The following NR3C1 variants were observed in gnomAD, a reference collection of about 807,000 sequenced individuals.
The protein encoded by NR3C1 is glucocorticoid receptor.
A neutral mutation model predicts 74.0 loss-of-function variants in NR3C1; 14 were observed. The ratio of observed to expected loss-of-function variants is 0.19; its 90% confidence interval spans 0.12 to 0.30. The LOEUF is 0.30. NR3C1 is among the 10% of genes least tolerant of loss of function. The pLI, the probability that NR3C1 is intolerant of heterozygous loss-of-function variation, is 1.00. For missense variants in NR3C1, 695 were observed against 909.8 expected, an observed-to-expected ratio of 0.76 and a Z score of 3.04; for synonymous variants, 308 against 332.5, an observed-to-expected ratio of 0.93 and a Z score of 0.80.
upstream of NR3C1, among the ~76,000 whole-genome samples, chr5:143,408,269 T>G (rs1315347492): frequency 6.6e-6 from 1 of 152,186 alleles, no homozygotes; most frequent in Non-Finnish European, 1.5e-5. Flanking sequence ...GCAGGCTAAC[T>G]CTCTGTGCCT....
At chr5:143,359,715 C>G (rs1022370629) in intron 2 of NR3C1, among the ~76,000 whole-genome samples, 3 of 152,068 alleles carry the variant, frequency 2.0e-5, no homozygotes, top group Admixed American at 2.0e-4. Flanking sequence ...GCCAGGAGTT[C>G]GAGACCAGCC....
chr5:143,357,637 G>A (rs61752271), intron 2 of NR3C1, among the ~76,000 whole-genome samples: 6 of 152,126 alleles, frequency 3.9e-5, no homozygotes, highest in South Asian at 2.1e-4. Flanking sequence ...CTAGAGCCAC[G>A]TAGATTCCTA....
rs950782724 is a variant in NR3C1 at position 143,300,840 on chromosome 5, T to C, written c.1469-77A>G. On this transcript the variant is annotated intron_variant, in intron 4 of 8. Coordinates refer to ENST00000394464, the MANE Select transcript of NR3C1 (RefSeq NM_000176.3). This position sits in a 1 kb window ranked among gnomAD's most constrained non-coding sequence, Gnocchi z 5.2. ...CGCTACACAGTTTATTCAAGAAGTA[T>C]TTTTACTTTCTAAAACTATTAAGAT... 1 of 1,313,914 alleles carries C rather than the reference T, an allele frequency of 7.6e-7. No homozygotes were observed. Among genetic ancestry groups the C allele is most frequent in the African/African-American group, 1.5e-5 (1 of 67,268 alleles). 81.4% of individuals were successfully genotyped at this position (1,313,914 alleles called of 1,614,324 possible).
intron 2 of NR3C1, among the ~76,000 whole-genome samples, chr5:143,337,394 GAC>G (rs1345004948): frequency 1.3e-5 from 2 of 152,194 alleles, no homozygotes; most frequent in Non-Finnish European, 2.9e-5. Flanking sequence ...CATTTTGGAA[GAC>G]AGTTTGGTAT....
At chr5:143,283,389 C>T (rs578144140) in intron 7 of NR3C1, among the ~76,000 whole-genome samples, 3 of 152,268 alleles carry the variant, frequency 2.0e-5, no homozygotes, top group African/African-American at 7.2e-5. Context: ...TACACCTTCT[C>T]CTCCTTAGCT....
intron 2 of NR3C1, among the ~76,000 whole-genome samples, chr5:143,356,391 G>GA (rs1376340804): frequency 6.6e-6 from 1 of 151,926 alleles, no homozygotes; most frequent in Non-Finnish European, 1.5e-5. Context: ...ATAGAAAATA[G>GA]AAAAAATGAA....
chr5:143,427,436 T>C (rs1278836964), intron 1 of NR3C1, among the ~76,000 whole-genome samples: 1 of 151,982 alleles, frequency 6.6e-6, no homozygotes, highest in Non-Finnish European at 1.5e-5. Context: ...CCTTAATGGA[T>C]AGAATGACAA....
intron 7 of NR3C1, among the ~76,000 whole-genome samples, chr5:143,292,591 TA>T (rs1816185363): frequency 6.6e-6 from 1 of 152,196 alleles, no homozygotes; most frequent in African/African-American, 2.4e-5. Context: ...ATCTTCACCA[TA>T]AGAACCTTGT....
intron 7 of NR3C1, among the ~76,000 whole-genome samples, chr5:143,284,757 T>G (rs1170845190): frequency 6.6e-6 from 1 of 152,106 alleles, no homozygotes; most frequent in Admixed American, 6.6e-5. Context: ...AAGCAATACA[T>G]GATTATGATC....
intron 2 of NR3C1, among the ~76,000 whole-genome samples, chr5:143,386,162 T>G (rs1475373871): frequency 6.6e-6 from 1 of 152,140 alleles, no homozygotes; most frequent in African/African-American, 2.4e-5. Context: ...CCAGATCTCA[T>G]GAGAACTCAC....
intron 1 of NR3C1, among the ~76,000 whole-genome samples, chr5:143,429,634 C>T (rs1439190582): frequency 1.3e-5 from 2 of 152,034 alleles, no homozygotes; most frequent in Non-Finnish European, 2.9e-5. Context: ...GGCATTTTAG[C>T]TACAACATAT....
chr5:143,380,452 C>G (rs1314975073), intron 2 of NR3C1, among the ~76,000 whole-genome samples: 1 of 151,946 alleles, frequency 6.6e-6, no homozygotes, highest in Non-Finnish European at 1.5e-5. Flanking sequence ...TTATGACGTT[C>G]AAAGTGTTAG....
chr5:143,413,683 G>A (rs1600668622), intron 1 of NR3C1, among the ~76,000 whole-genome samples: 3 of 152,268 alleles, frequency 2.0e-5, no homozygotes, highest in Admixed American at 2.0e-4. Flanking sequence ...AATTTTAGTA[G>A]TTGTTCCTGG....
chr5:143,310,666 T>G (rs1201531520), intron 3 of NR3C1, among the ~76,000 whole-genome samples: 2 of 152,120 alleles, frequency 1.3e-5, no homozygotes, highest in Non-Finnish European at 2.9e-5. Context: ...TTATTTTTAT[T>G]TTTTTGAGAT....
At position 143,399,826 on chromosome 5, in the gene NR3C1, T is replaced by C. The variant is rs1308005156; in HGVS notation, c.1014A>G (p.Thr338=). The change falls in exon 2 of 9, where the codon ACA becomes ACG. Residue 338 remains threonine, a synonymous_variant. Transcript: ENST00000394464. ...GGQMYHYDMN[T]ASLSQQQDQK... ...GATCCTGCTGTTGAGAAAGGGATGC[T>C]GTATTCATGTCATAGTGGTACATCT... 1 of 1,614,218 alleles carries C rather than the reference T, an allele frequency of 6.2e-7. No homozygotes were observed. Among genetic ancestry groups the C allele is most frequent in the Non-Finnish European group, 8.5e-7 (1 of 1,180,028 alleles).
intron 7 of NR3C1, among the ~76,000 whole-genome samples, chr5:143,292,849 A>ATTC (rs1215358867): frequency 6.6e-6 from 1 of 152,058 alleles, no homozygotes; most frequent in Non-Finnish European, 1.5e-5. Flanking sequence ...GTATTTGTCT[A>ATTC]TTCTTCTAGA....
chr5:143,367,841 G>A (rs1165034421), intron 2 of NR3C1, among the ~76,000 whole-genome samples: 4 of 152,162 alleles, frequency 2.6e-5, no homozygotes, highest in Non-Finnish European at 4.4e-5. Flanking sequence ...CAGGTTCAAT[G>A]CAATCCCTAT....
chr5:143,430,479 T>A (rs1751759864), intron 1 of NR3C1, among the ~76,000 whole-genome samples: 1 of 152,244 alleles, frequency 6.6e-6, no homozygotes, highest in Admixed American at 6.5e-5. Context: ...TGAATGTTTG[T>A]GTCTCCCCAA....
intron 2 of NR3C1, among the ~76,000 whole-genome samples, chr5:143,395,837 G>A (rs1839085299): frequency 6.6e-6 from 1 of 151,792 alleles, no homozygotes; most frequent in South Asian, 2.1e-4. Context: ...ACATTAGGCA[G>A]TCACATTAAA....
Sources: gnomAD v4.1 joint callset for allele counts (sites outside exome capture counted in the v4.1 genomes callset) on GRCh38, gnomAD v4.1.1 for gene constraint, Gnocchi (gnomAD v3.1) non-coding constraint, MANE v1.5 for transcripts, NCBI Gene and HGNC (gene_info 2026-07-23, HGNC 2026-07-21) for gene names.